Variants in WBP2NL observed in about 807,000 individuals in gnomAD.
The protein encoded by WBP2NL is WBP2 N-terminal like.
In WBP2NL, 27 loss-of-function variants were observed where a neutral mutation model predicts 23.3. The observed-to-expected ratio is 1.16, with a 90% CI of 0.85 to 1.60. The LOEUF is 1.60. WBP2NL is among the 40% of genes most tolerant of loss of function. The pLI, the probability that WBP2NL is intolerant of heterozygous loss-of-function variation, is 0.00. For missense variants in WBP2NL, 370 were observed against 389.5 expected (o/e 0.95, Z 0.42); for synonymous variants, 151 against 145.9 (o/e 1.03, Z -0.25).
At chr22:42,026,516 A>G (rs1215246496) in intron 5 of WBP2NL, among the ~76,000 whole-genome samples, 1 of 152,030 alleles carries the variant, frequency 6.6e-6, no homozygotes, top group African/African-American at 2.4e-5. Flanking sequence ...TAAAACACAT[A>G]TCTGTGCAAG....
intron 8 of WBP2NL, among the ~76,000 whole-genome samples, chr22:42,055,981 GTA>G (rs751427020): frequency 2.0e-5 from 3 of 151,198 alleles, no homozygotes; most frequent in Non-Finnish European, 4.4e-5. Flanking sequence ...ACTTGGGTGT[GTA>G]TCTTTTAAAT....
intron 1 of WBP2NL, chr22:42,001,827 G>A: frequency 7.7e-7 from 1 of 1,291,666 alleles, no homozygotes; most frequent in Non-Finnish European, 1.1e-6. Context: ...TTGCTTATCT[G>A]CAGTGATCTG....
intron 8 of WBP2NL, among the ~76,000 whole-genome samples, chr22:42,055,884 G>A (rs573334770): frequency 6.6e-5 from 10 of 151,844 alleles, no homozygotes; most frequent in Admixed American, 6.6e-4. Context: ...TTTGCTTGGT[G>A]TATCTTTTTC....
intron 1 of WBP2NL, among the ~76,000 whole-genome samples, chr22:42,015,910 T>C (rs182515610): frequency 6.6e-6 from 1 of 152,308 alleles, no homozygotes; most frequent in Admixed American, 6.5e-5. Flanking sequence ...CCTTTAGCTT[T>C]TCAATTTGTC....
intron 4 of WBP2NL, among the ~76,000 whole-genome samples, chr22:42,020,908 ATTTTTTTTTTTTTTTT>A (rs1161784270): frequency 8.0e-4 from 9 of 11,226 alleles, no homozygotes; most frequent in Non-Finnish European, 1.2e-3. Context: ...ATATATATAT[ATTTTTTTTTTTTTTTT>A]TTTTTTTTTT....
At chr22:42,047,285 A>AG (rs1286598030) in intron 8 of WBP2NL, among the ~76,000 whole-genome samples, 3 of 151,464 alleles carry the variant, frequency 2.0e-5, no homozygotes, top group African/African-American at 7.3e-5. Context: ...AAAAAAAAAA[A>AG]AAAAAGAAAA....
chr22:42,035,582 C>T (rs1320007792), downstream of WBP2NL, among the ~76,000 whole-genome samples: 3 of 152,246 alleles, frequency 2.0e-5, no homozygotes, highest in Non-Finnish European at 4.4e-5. Context: ...TGGCCTGCTG[C>T]TGCCATCATT....
Position 42,020,872 on chromosome 22 carries a change from A to ATG in WBP2NL, c.406+777_406+778insGT, listed in dbSNP as rs1569449948. ...CATATATGTGTGTGTGTGTGTGTAT[A>ATG]TATATATATATATATATATATATAT... is the stretch of plus-strand genomic sequence containing the variant. On this transcript the variant is annotated intron_variant, in intron 4 of 5. Coordinates refer to ENST00000328823, the MANE Select transcript of WBP2NL (RefSeq NM_152613.3). 2.9e-3 allele frequency among the ~76,000 whole-genome samples: 44 copies of ATG among 15,026 alleles called. 1 individual carries two copies. The highest frequency in any genetic ancestry group is 5.6e-3 in the South Asian group (2 of 354). The allele number at this position is 15,026 out of a possible 152,430, so 9.9% of individuals were successfully genotyped here.
chr22:42,019,765 C>CA lies in WBP2NL; in HGVS notation c.278dup (p.Asn93LysfsTer4), dbSNP rs1414465014. ...ACTGTTGAACAACCAGTATTTGCTG[C>CA]AAACTTCATTAAGGGAACTATTCAG... On this transcript the variant is annotated frameshift_variant, in exon 3 of 6. Coordinates refer to ENST00000328823, the MANE Select transcript of WBP2NL (RefSeq NM_152613.3). LOFTEE classifies it high-confidence loss of function. The CA allele has an allele frequency of 1.2e-6, 2 of 1,614,100 alleles. No individual in the cohort carries two copies. Among genetic ancestry groups the CA allele is most frequent in the Non-Finnish European group, 1.7e-6 (2 of 1,180,036 alleles).
rs756695733 is a variant in WBP2NL, at chr22:42,026,993, C to T, written c.742C>T (p.Pro248Ser). 2.5e-6 allele frequency: 4 copies of T among 1,609,944 alleles called. No individual in the cohort carries two copies. In the African/African-American group the frequency reaches 4.0e-5, roughly 16 times the overall value. ...AGCCCCACCTCTTGGATATGGAACCCCACCTCTCGGATATGGAGCCCCACC... is the reference window on the plus strand; with the variant it reads ...AGCCCCACCTCTTGGATATGGAACCTCACCTCTCGGATATGGAGCCCCACC... The part of the protein sequence containing the change: ...YGAPPLGYGT[P>S]PLGYGAPPLG... The change falls in exon 6 of 6, where the codon CCA becomes TCA. Residue 248 changes from proline (P) to serine (S), a missense_variant. Physicochemically the swap from Pro to Ser is moderately conservative, Grantham distance 74. Coordinates refer to ENST00000328823, the MANE Select transcript of WBP2NL (RefSeq NM_152613.3).
At chr22:42,045,326 AGCTACTCTGG>A (rs1925546824) in intron 8 of WBP2NL, among the ~76,000 whole-genome samples, 1 of 152,140 alleles carries the variant, frequency 6.6e-6, no homozygotes, top group Non-Finnish European at 1.5e-5. Flanking sequence ...CTGTAGTCCC[AGCTACTCTGG>A]AGGCTGAGGC....
intron 1 of WBP2NL, chr22:42,003,167 A>AG (rs1921871694): frequency 6.6e-6 from 1 of 152,192 alleles, no homozygotes; most frequent in South Asian, 2.1e-4. Context: ...TCAAAAAAAA[A>AG]AAAAAAGTGC....
At chr22:42,029,283 CCT>C (rs1475964475), downstream of WBP2NL, among the ~76,000 whole-genome samples, 2 of 144,366 alleles carry the variant, frequency 1.4e-5, no homozygotes, top group African/African-American at 5.2e-5. Context: ...ATAGCGAGAC[CCT>C]GTGTCTAGGA....
intron 1 of WBP2NL, among the ~76,000 whole-genome samples, chr22:42,005,275 A>C (rs1406310867): frequency 6.6e-6 from 1 of 151,974 alleles, no homozygotes; most frequent in African/African-American, 2.4e-5. Context: ...GCACTTTGGG[A>C]GGCTGAGGCA....
downstream of WBP2NL, among the ~76,000 whole-genome samples, chr22:42,037,128 T>TTG (rs3045493): frequency 8.3e-3 from 1,225 of 148,192 alleles, 11 homozygotes; most frequent in Middle Eastern, 0.021. Flanking sequence ...CAGATTTCAT[T>TTG]TGTGTGTGTG....
At chr22:42,028,816 C>T (rs1457715261), downstream of WBP2NL, among the ~76,000 whole-genome samples, 7 of 152,242 alleles carry the variant, frequency 4.6e-5, no homozygotes, top group Non-Finnish European at 1.0e-4. Flanking sequence ...GCTTCACCTA[C>T]ATCACTGGCT....
At chr22:42,016,418 C>G (rs938914937) in intron 1 of WBP2NL, among the ~76,000 whole-genome samples, 1 of 152,228 alleles carries the variant, frequency 6.6e-6, no homozygotes, top group African/African-American at 2.4e-5. Context: ...TAAGTGTGTT[C>G]TGCTCCCTCC....
At chr22:42,013,904 C>T (rs569371319) in intron 1 of WBP2NL, among the ~76,000 whole-genome samples, 40 of 152,150 alleles carry the variant, frequency 2.6e-4, no homozygotes, top group Non-Finnish European at 4.9e-4. Context: ...CCTCAGCCTC[C>T]GGAGTAGCTG....
chr22:42,019,309 A>G lies in WBP2NL; in HGVS notation c.63-2A>G, dbSNP rs776842491. On this transcript the variant is annotated splice_acceptor_variant, in intron 1 of 5. Transcript: ENST00000328823. LOFTEE classifies it high-confidence loss of function. ...GTGCCGTCTGTTCCTCATTTTCTAC[A>G]GTCTCTTGAAGCGGTCTCCGAATGT... The G allele has an allele frequency of 2.5e-6, 4 of 1,611,168 alleles. No individual in the cohort carries two copies. Among genetic ancestry groups the G allele is most frequent in the East Asian group, 4.5e-5 (2 of 44,868 alleles).
Sources: gnomAD v4.1 joint callset for allele counts (sites outside exome capture counted in the v4.1 genomes callset) on GRCh38, gnomAD v4.1.1 for gene constraint, MANE v1.5 for transcripts, NCBI Gene and HGNC (gene_info 2026-07-23, HGNC 2026-07-21) for gene names.